Variants in TNIK observed in about 807,000 individuals in gnomAD.
TNIK encodes TRAF2 and NCK interacting kinase.
In TNIK, 49 loss-of-function variants were observed where a neutral mutation model predicts 191.3. That is an observed-to-expected ratio of 0.26 (90% CI 0.20 to 0.32). The LOEUF (loss-of-function observed/expected upper bound fraction) is 0.32. Ranked by LOEUF, TNIK falls within the 10% of genes least tolerant of loss-of-function variation. The probability of loss-of-function intolerance (pLI) is 1.00; values close to 1 mark genes in which losing one functional copy is unlikely to be tolerated. For synonymous variants in TNIK, 594 were observed against 600.9 expected (o/e 0.99, Z 0.17); for missense variants, 1,155 against 1,702.3 (o/e 0.68, Z 5.66).
intron 12 of TNIK, among the ~76,000 whole-genome samples, chr3:171,146,893 C>CA (rs34998782): frequency 0.049 from 2,664 of 54,414 alleles, 57 homozygotes; most frequent in East Asian, 0.086. Context: ...GACTTCATCT[C>CA]AAAAAAAAAA....
chr3:171,077,545 T>C (rs1720126065), intron 28 of TNIK, among the ~76,000 whole-genome samples: 1 of 152,134 alleles, frequency 6.6e-6, no homozygotes, highest in Admixed American at 6.5e-5. Flanking sequence ...AGGACATCAG[T>C]CTTTTCTGGC....
chr3:171,244,050 G>A (rs1745290022), intron 2 of TNIK, among the ~76,000 whole-genome samples: 1 of 145,390 alleles, frequency 6.9e-6, no homozygotes, highest in Non-Finnish European at 1.5e-5. Context: ...TTTTTTTAGA[G>A]ACAGAAATAG....
At chr3:171,149,704 G>A (rs151304041) in intron 12 of TNIK, among the ~76,000 whole-genome samples, 4 of 152,312 alleles carry the variant, frequency 2.6e-5, no homozygotes, top group South Asian at 4.1e-4. Context: ...TCATGGGCAC[G>A]CTTTGTCCTG....
chr3:171,107,083 C>A, intron 21 of TNIK, 100 bp downstream of exon 21: 2 of 1,255,234 alleles, frequency 1.6e-6, no homozygotes, highest in Non-Finnish European at 1.1e-6. Flanking sequence ...CTCCTCCCAG[C>A]TGATTGCTCC....
intron 2 of TNIK, among the ~76,000 whole-genome samples, chr3:171,265,680 G>T (rs1316801214): frequency 6.6e-6 from 1 of 152,160 alleles, no homozygotes; most frequent in East Asian, 1.9e-4. Context: ...TCTTTGTAAG[G>T]TGATTCATTT....
rs1724243002 is a variant in TNIK, at chr3:171,424,345, G to A, written c.57+35662C>T. Among the ~76,000 whole-genome samples the A allele has an allele frequency of 3.3e-5, 5 of 152,330 alleles. No homozygotes were observed. The South Asian group carries it at 1.0e-3, about 32-fold the overall frequency. On this transcript the variant is annotated intron_variant, in intron 1 of 32. Transcript: ENST00000436636. Reference sequence around the variant, plus strand: ...AAGTCAGGAAACAACAGGTGCTGGAGAGGATGTGGAGAAATAGGAACACTT... The same window carrying A: ...AAGTCAGGAAACAACAGGTGCTGGAAAGGATGTGGAGAAATAGGAACACTT...
intron 16 of TNIK, among the ~76,000 whole-genome samples, 157 bp downstream of exon 16, chr3:171,128,557 A>C (rs16855877): frequency 0.12 from 18,972 of 152,086 alleles, 1,728 homozygotes; most frequent in African/African-American, 0.25. Context: ...TTCTACTCTT[A>C]AAAATCAGTG....
rs148174466 is a variant in TNIK, at chr3:171,128,743, G to A, written c.1744C>T (p.Pro582Ser). 1.4e-5 allele frequency: 22 copies of A among 1,613,464 alleles called. No homozygotes were observed. The highest frequency in any genetic ancestry group is 8.3e-5 in the Admixed American group (5 of 59,942). ...GGATCGACTGGTCTGAGCATGGGGG[G>A]TGTTCGAGCAGGCTGAACTCCACTA... is the stretch of plus-strand genomic sequence containing the variant. ...SISGVQPART[P>S]PMLRPVDPQI... Residue 582 changes from proline to serine, a missense_variant, in exon 16 of 33, where the codon CCC becomes TCC. This residue lies in a region of TNIK where 735 missense variants were observed against 848.0 expected (regional missense o/e 0.87). Transcript: ENST00000436636.
chr3:171,445,895 G>C (rs9867654), intron 1 of TNIK, among the ~76,000 whole-genome samples: 20,186 of 152,182 alleles, frequency 0.13, 2,095 homozygotes, highest in African/African-American at 0.29. Flanking sequence ...TGAAGCCAGG[G>C]CATGAAATGT....
intron 1 of TNIK, among the ~76,000 whole-genome samples, chr3:171,402,770 T>C (rs752298871): frequency 3.0e-4 from 45 of 152,340 alleles, no homozygotes; most frequent in Middle Eastern, 3.4e-3. Context: ...TTATGTTCCA[T>C]CAAAGACAGA....
intron 1 of TNIK, among the ~76,000 whole-genome samples, chr3:171,413,541 G>A (rs1722666108): frequency 6.6e-6 from 1 of 152,110 alleles, no homozygotes; most frequent in African/African-American, 2.4e-5. Flanking sequence ...TCCAGTTCAA[G>A]TCCTACCAGT....
intron 2 of TNIK, among the ~76,000 whole-genome samples, chr3:171,238,913 A>C (rs1013807295): frequency 1.3e-5 from 2 of 152,222 alleles, no homozygotes; most frequent in African/African-American, 4.8e-5. Flanking sequence ...CACAGGCAAT[A>C]CTATACCCAG....
intron 2 of TNIK, among the ~76,000 whole-genome samples, chr3:171,304,671 T>G (rs1330885844): frequency 6.6e-6 from 1 of 152,174 alleles, no homozygotes; most frequent in Non-Finnish European, 1.5e-5. Context: ...CATGGAATAC[T>G]ATGCAGCCAT....
intron 9 of TNIK, 59 bp downstream of exon 9, chr3:171,175,193 A>G (rs754124623): frequency 2.6e-6 from 4 of 1,522,856 alleles, no homozygotes; most frequent in Non-Finnish European, 3.6e-6. Flanking sequence ...GCTAATCCAA[A>G]ATAGAATCAC....
intron 2 of TNIK, among the ~76,000 whole-genome samples, chr3:171,325,676 T>C (rs1038315096): frequency 5.3e-5 from 8 of 151,080 alleles, no homozygotes; most frequent in African/African-American, 1.5e-4. Context: ...GCAACTTTAA[T>C]TGTGGCCAGT....
chr3:171,097,846 AG>A (rs571012393), intron 22 of TNIK, among the ~76,000 whole-genome samples: 8 of 152,256 alleles, frequency 5.3e-5, no homozygotes, highest in Non-Finnish European at 1.0e-4. Flanking sequence ...CAAACAAGCA[AG>A]GGGAGGTGGA....
chr3:171,082,381 C>T lies in TNIK; in HGVS notation c.3183G>A (p.Leu1061=). ...LCAALWGVNL[L]VGTENGLMLL... ...GCATCAGGCCATTTTCAGTCCCCAC[C>T]AGAAGGTTTACACCTGTAAATTTAA... The change falls in exon 27 of 33, where the codon CTG becomes CTA. Residue 1061 remains leucine, a synonymous_variant. Transcript: ENST00000436636. 6.2e-7 allele frequency: 1 copy of T among 1,613,878 alleles called. No individual in the cohort carries two copies. The highest frequency in any genetic ancestry group is 8.5e-7 in the Non-Finnish European group (1 of 1,179,800).
chr3:171,086,716 C>T (rs2108385358), intron 24 of TNIK, among the ~76,000 whole-genome samples: 1 of 152,318 alleles, frequency 6.6e-6, no homozygotes, highest in Non-Finnish European at 1.5e-5. Context: ...CAAGACTACA[C>T]ACTGTGAACT....
At chr3:171,455,128 A>G (rs1280452566) in intron 1 of TNIK, among the ~76,000 whole-genome samples, 1 of 152,226 alleles carries the variant, frequency 6.6e-6, no homozygotes, top group Non-Finnish European at 1.5e-5. Flanking sequence ...CAGGCCATCA[A>G]AGAAACATAC....
Sources: allele counts gnomAD v4.1 joint callset (sites outside exome capture counted in the v4.1 genomes callset), GRCh38; gene constraint gnomAD v4.1.1; regional missense constraint gnomAD v4.1.1; transcripts MANE v1.5; gene names NCBI Gene and HGNC (gene_info 2026-07-23, HGNC 2026-07-21).